The following SMARCA2 variants were observed in gnomAD, a reference collection of about 807,000 sequenced individuals.
SMARCA2 encodes SWI/SNF-related matrix-associated actin-dependent regulator of chromatin subfamily A member 2.
SMARCA2 carries 61 observed loss-of-function variants against 199.8 expected under a neutral mutation model. That is an observed-to-expected ratio of 0.31 (90% CI 0.25 to 0.38). The LOEUF (loss-of-function observed/expected upper bound fraction) is 0.38. SMARCA2 is among the 10% of genes least tolerant of loss of function. The pLI is 1.00. For missense variants in SMARCA2, 1,344 were observed against 2,012.2 expected (o/e 0.67, Z 6.35); for synonymous variants, 935 against 732.0 (o/e 1.28, Z -4.48).
At chr9:2,186,922 G>A (rs1827499764) in intron 32 of SMARCA2, among the ~76,000 whole-genome samples, 1 of 152,136 alleles carries the variant, frequency 6.6e-6, no homozygotes, top group Admixed American at 6.6e-5. Flanking sequence ...TCTTTACCAC[G>A]GTGGTTCTCA....
At chr9:2,179,635 G>A (rs565473052) in intron 29 of SMARCA2, among the ~76,000 whole-genome samples, 31 of 152,146 alleles carry the variant, frequency 2.0e-4, no homozygotes, top group Middle Eastern at 3.4e-3. Context: ...TTGCACTATC[G>A]GTCACAAACT....
At chr9:2,073,162 G>T in intron 10 of SMARCA2, 50 bp from the exon 11 acceptor site, 1 of 1,608,812 alleles carries the variant, frequency 6.2e-7, no homozygotes, top group Non-Finnish European at 8.5e-7. Context: ...GTACAGGACT[G>T]GGGGAAGGTC....
At chr9:2,150,599 G>T (rs1480543030) in intron 27 of SMARCA2, among the ~76,000 whole-genome samples, 1 of 151,636 alleles carries the variant, frequency 6.6e-6, no homozygotes, top group Non-Finnish European at 1.5e-5. Flanking sequence ...GAGCAGCGTT[G>T]CTTTGCACCA....
At chr9:2,114,656 A>G (rs7040061) in intron 24 of SMARCA2, among the ~76,000 whole-genome samples, 49,296 of 152,158 alleles carry the variant, frequency 0.32, 9,692 homozygotes, top group African/African-American at 0.56. Flanking sequence ...TTACGTAGCT[A>G]TAAAATTAGG....
At chr9:2,028,921 T>G in intron 1 of SMARCA2, 66 bp from the exon 2 acceptor site, 2 of 1,305,934 alleles carry the variant, frequency 1.5e-6, no homozygotes, top group Non-Finnish European at 2.1e-6. Flanking sequence ...ATGCTAACAA[T>G]TGTTTTATTC....
intron 5 of SMARCA2, among the ~76,000 whole-genome samples, chr9:2,048,142 C>T (rs534430465): frequency 6.6e-6 from 1 of 152,086 alleles, no homozygotes; most frequent in Non-Finnish European, 1.5e-5. Flanking sequence ...GGGCTGGCTG[C>T]CTTTCGGTAA....
intron 22 of SMARCA2, among the ~76,000 whole-genome samples, chr9:2,102,330 G>C (rs192156390): frequency 6.6e-6 from 1 of 152,120 alleles, no homozygotes; most frequent in Non-Finnish European, 1.5e-5. Flanking sequence ...TCTGGGTTCT[G>C]TGGTTACTCC....
At chr9:2,127,618 C>T (rs945878436) in intron 27 of SMARCA2, among the ~76,000 whole-genome samples, 1 of 152,148 alleles carries the variant, frequency 6.6e-6, no homozygotes, top group Non-Finnish European at 1.5e-5. Context: ...ATGGGCCCTG[C>T]CTAAATGGTT....
rs570275879 is a variant in SMARCA2 at position 2,070,548 on chromosome 9, C to T, written c.1746+77C>T. 1.2e-5 allele frequency: 12 copies of T among 1,024,292 alleles called. No homozygotes were observed. In the Middle Eastern group the frequency reaches 6.3e-4, roughly 54 times the overall value. 63.5% of individuals were successfully genotyped at this position (1,024,292 alleles called of 1,614,324 possible). A position where few individuals can be genotyped will look rare whatever the true frequency, so the allele number is the denominator to read the frequency against. On this transcript the variant is annotated intron_variant, in intron 10 of 33. Coordinates refer to ENST00000349721, the MANE Select transcript of SMARCA2 (RefSeq NM_003070.5). ...ATACCTGGCAGCACCATTCTTCATG[C>T]ATACTATTTTATTCTTACTGTGCTA...
At chr9:2,097,934 T>C (rs1045947725) in intron 21 of SMARCA2, among the ~76,000 whole-genome samples, 1 of 152,384 alleles carries the variant, frequency 6.6e-6, no homozygotes. Context: ...CTTTAGTCTG[T>C]TACTTTGATT....
Position 2,097,527 on chromosome 9 carries a change from TA to T in SMARCA2, c.3078+65del, listed in dbSNP as rs1399459487. 4.1e-3 allele frequency: 3,973 copies of T among 975,592 alleles called. 106 individuals carry two copies. The African/African-American group carries it at 0.059, about 14-fold the overall frequency. The allele number at this position is 975,592 out of a possible 1,614,324, so 60.4% of individuals were successfully genotyped here. On this transcript the variant is annotated intron_variant, in intron 21 of 33. Transcript: ENST00000349721. ...TTGTGCTAATCATACTAATGCTAGTTAAAAAAAAACAAACAAACAGGAAAAA... is the reference window on the plus strand; with the variant it reads ...TTGTGCTAATCATACTAATGCTAGTTAAAAAAAACAAACAAACAGGAAAAA...
intron 27 of SMARCA2, among the ~76,000 whole-genome samples, chr9:2,156,328 AG>A (rs1308012440): frequency 1.4e-5 from 2 of 144,274 alleles, no homozygotes; most frequent in Non-Finnish European, 3.0e-5. Context: ...ATTGGGGTTA[AG>A]TTGTTCCTTA....
At chr9:2,070,135 C>T (rs538286429) in intron 9 of SMARCA2, among the ~76,000 whole-genome samples, 31 of 152,334 alleles carry the variant, frequency 2.0e-4, no homozygotes, top group Non-Finnish European at 4.0e-4. Flanking sequence ...TGTCTTGATA[C>T]TGCCCTGTCT....
At chr9:2,089,124 G>A (rs552648099) in intron 19 of SMARCA2, among the ~76,000 whole-genome samples, 3 of 151,972 alleles carry the variant, frequency 2.0e-5, no homozygotes, top group Non-Finnish European at 4.4e-5. Flanking sequence ...CTAATTATTC[G>A]GGGACATTAT....
intron 27 of SMARCA2, among the ~76,000 whole-genome samples, chr9:2,151,864 T>C (rs1258557191): frequency 2.0e-5 from 3 of 152,194 alleles, no homozygotes; most frequent in East Asian, 3.8e-4. Flanking sequence ...AAACCACTTA[T>C]GATTGAAATT....
chr9:2,128,180 C>T (rs7030689), intron 27 of SMARCA2, among the ~76,000 whole-genome samples: 29,120 of 152,086 alleles, frequency 0.19, 4,229 homozygotes, highest in East Asian at 0.44. Context: ...TGTTTAAGCA[C>T]GGCATTGGGG....
At chr9:2,165,890 A>G (rs1825908413) in intron 28 of SMARCA2, among the ~76,000 whole-genome samples, 2 of 152,124 alleles carry the variant, frequency 1.3e-5, no homozygotes, top group Non-Finnish European at 2.9e-5. Flanking sequence ...GCCTGGCCCA[A>G]CTTCCCACAA....
intron 29 of SMARCA2, among the ~76,000 whole-genome samples, chr9:2,176,187 T>TTTTTTTTTTTTTTTTTTTTTTTTTG (rs1379771325): frequency 2.2e-5 from 3 of 135,150 alleles, no homozygotes; most frequent in African/African-American, 1.0e-4. Flanking sequence ...GGCCTGTTTT[T>TTTTTTTTTTTTTTTTTTTTTTTTTG]TTTTTTTTTT....
chr9:2,162,430 A>G (rs969137035), intron 28 of SMARCA2, among the ~76,000 whole-genome samples: 2 of 152,190 alleles, frequency 1.3e-5, no homozygotes, highest in African/African-American at 4.8e-5. Context: ...ATGGTCTTTC[A>G]GCAAATTTAC....
Sources: allele counts gnomAD v4.1 joint callset (sites outside exome capture counted in the v4.1 genomes callset), GRCh38; gene constraint gnomAD v4.1.1; transcripts MANE v1.5; gene names NCBI Gene and HGNC (gene_info 2026-07-23, HGNC 2026-07-21).